The following ALDH6A1 variants were observed in gnomAD, a reference collection of about 807,000 sequenced individuals.
ALDH6A1 encodes the protein methylmalonate-semialdehyde/malonate-semialdehyde dehydrogenase [acylating], mitochondrial.
A neutral mutation model predicts 62.6 loss-of-function variants in ALDH6A1; 43 were observed. The ratio of observed to expected loss-of-function variants is 0.69; its 90% CI spans 0.54 to 0.89. ALDH6A1 has a LOEUF of 0.89. Among genes scored for constraint, ALDH6A1 ranks in the 40% least tolerant of loss-of-function variants. The pLI is 0.00. For missense variants in ALDH6A1, 551 were observed against 661.3 expected, an observed-to-expected ratio of 0.83 and a Z score of 1.83; for synonymous variants, 194 against 234.2, an observed-to-expected ratio of 0.83 and a Z score of 1.57.
intron 11 of ALDH6A1, among the ~76,000 whole-genome samples, chr14:74,064,037 C>T (rs949536854): frequency 3.3e-5 from 5 of 151,856 alleles, no homozygotes; most frequent in African/African-American, 1.2e-4. Context: ...GAGTGGCTCA[C>T]ACCTGTAATC....
chr14:74,079,108 A>G (rs1184000406), intron 1 of ALDH6A1, among the ~76,000 whole-genome samples: 2 of 151,814 alleles, frequency 1.3e-5, no homozygotes, highest in Non-Finnish European at 2.9e-5. Context: ...GTCCTTGGCC[A>G]GTATTTTCCT....
At chr14:74,069,469 G>A (rs2060518970) in intron 6 of ALDH6A1, among the ~76,000 whole-genome samples, 3 of 151,852 alleles carry the variant, frequency 2.0e-5, no homozygotes, top group Admixed American at 6.6e-5. Flanking sequence ...CTATTTAGCC[G>A]GCTGGACACG....
chr14:74,057,091 G>A lies in ALDH6A1; in HGVS notation c.*3551C>T. Reference sequence around the variant, plus strand: ...ATGACAAGTCTGTTATTCTAAACCAGGTTTCATGTGTGTAGAGTTGTTGAC... The same window carrying A: ...ATGACAAGTCTGTTATTCTAAACCAAGTTTCATGTGTGTAGAGTTGTTGAC... On this transcript the variant is annotated 3_prime_UTR_variant, in exon 12 of 12. Coordinates refer to ENST00000553458, the MANE Select transcript of ALDH6A1 (RefSeq NM_005589.4). 3 of 1,599,566 alleles carry A rather than the reference G, an allele frequency of 1.9e-6. No homozygotes were observed. Among genetic ancestry groups the A allele is most frequent in the Non-Finnish European group, 2.6e-6 (3 of 1,171,112 alleles).
At chr14:74,075,677 A>G (rs983799337) in intron 1 of ALDH6A1, among the ~76,000 whole-genome samples, 1 of 152,114 alleles carries the variant, frequency 6.6e-6, no homozygotes, top group African/African-American at 2.4e-5. Flanking sequence ...ATCAATGTAA[A>G]TATAAATATA....
intron 1 of ALDH6A1, among the ~76,000 whole-genome samples, chr14:74,079,110 T>A (rs1310559821): frequency 1.3e-5 from 2 of 151,844 alleles, no homozygotes; most frequent in Admixed American, 1.3e-4. Context: ...CCTTGGCCAG[T>A]ATTTTCCTCT....
At chr14:74,062,197 CA>C in intron 11 of ALDH6A1, among the ~76,000 whole-genome samples, 1 of 151,388 alleles carries the variant, frequency 6.6e-6, no homozygotes, top group South Asian at 2.1e-4. Flanking sequence ...ACTCCCATCT[CA>C]AAAAAATAAA....
intron 1 of ALDH6A1, among the ~76,000 whole-genome samples, chr14:74,077,846 C>T (rs1310017011): frequency 6.6e-6 from 1 of 152,234 alleles, no homozygotes; most frequent in Non-Finnish European, 1.5e-5. Flanking sequence ...CTGCATCTGT[C>T]TTGTTCACCT....
intron 1 of ALDH6A1, chr14:74,081,154 C>G (rs919905006): frequency 4.6e-5 from 7 of 152,162 alleles, no homozygotes; most frequent in African/African-American, 1.7e-4. Flanking sequence ...ATAAAGCACC[C>G]AAATTCCTTT....
chr14:74,078,224 T>C (rs972138131), intron 1 of ALDH6A1: 1 of 455,912 alleles, frequency 2.2e-6, no homozygotes, highest in African/African-American at 2.0e-5. Flanking sequence ...GATGAGAACT[T>C]CTCAACTTCC....
Position 74,065,260 on chromosome 14 carries a change from G to A in ALDH6A1, c.1325C>T (p.Pro442Leu). Residue 442 changes from proline to leucine, a missense_variant, in exon 10 of 12, where the codon CCA becomes CTA. Coordinates refer to ENST00000553458, the MANE Select transcript of ALDH6A1 (RefSeq NM_005589.4). ...GAAGATGGCAGTTCCATTTCCATAT[G>A]GGTTGTTATTTACAATCTGGATGGC... ...DEAIQIVNNNPYGNGTAIFTT... is the reference protein window; with the variant it reads ...DEAIQIVNNNLYGNGTAIFTT... 6.2e-7 allele frequency: 1 copy of A among 1,614,098 alleles called. No homozygotes were observed.
chr14:74,075,606 G>A lies in ALDH6A1; in HGVS notation c.49-589C>T, dbSNP rs188744427. On this transcript the variant is annotated intron_variant, in intron 1 of 11. Transcript: ENST00000553458. Reference sequence around the variant, plus strand: ...CGGGAGGGTGAGGCTGCAGTGAACCGTGATTATGCCACTGCACTCCAGCCA... The same window carrying A: ...CGGGAGGGTGAGGCTGCAGTGAACCATGATTATGCCACTGCACTCCAGCCA... Among the ~76,000 whole-genome samples the A allele has an allele frequency of 3.3e-5, 5 of 151,908 alleles. No individual in the cohort carries two copies. The East Asian group carries it at 5.8e-4, about 18-fold the overall frequency.
Position 74,059,563 on chromosome 14 carries a change from C to T in ALDH6A1, c.*1079G>A, listed in dbSNP as rs1007119932. The T allele has an allele frequency of 3.2e-5, 10 of 310,390 alleles. No homozygotes were observed. The highest frequency in any genetic ancestry group is 1.1e-4 in the African/African-American group (5 of 44,558). 19.2% of individuals were successfully genotyped at this position (310,390 alleles called of 1,614,324 possible). A position where few individuals can be genotyped will look rare whatever the true frequency, so the allele number is the denominator to read the frequency against. ...ATACAAAATTAGCTGGGTGTGGTGGCGCATGCCTGTAATCCCAGCTACTAG... is the reference window on the plus strand; with the variant it reads ...ATACAAAATTAGCTGGGTGTGGTGGTGCATGCCTGTAATCCCAGCTACTAG... On this transcript the variant is annotated 3_prime_UTR_variant, in exon 12 of 12. Coordinates refer to ENST00000553458, the MANE Select transcript of ALDH6A1 (RefSeq NM_005589.4).
In ALDH6A1 at chr14:74,057,194, T is replaced by C. The variant is rs1357893777; in HGVS notation, c.*3448A>G. On this transcript the variant is annotated 3_prime_UTR_variant, in exon 12 of 12. Transcript: ENST00000553458. ...ATCTTCATCACCCAGCAAATTGCAA[T>C]ATCAGACTCTTCTGGTGAAGTGGTG... is the stretch of plus-strand genomic sequence containing the variant. 6.2e-7 allele frequency: 1 copy of C among 1,613,898 alleles called. No homozygotes were observed. The highest frequency in any genetic ancestry group is 8.5e-7 in the Non-Finnish European group (1 of 1,179,900).
At chr14:74,066,926 A>G (rs373528078) in intron 8 of ALDH6A1, 40 bp from the exon 9 acceptor site, 11 of 1,576,004 alleles carry the variant, frequency 7.0e-6, no homozygotes, top group Non-Finnish European at 8.7e-6. Context: ...CCTCATTAAC[A>G]TAAATTATGA....
chr14:74,072,122 G>C (rs988839404), intron 4 of ALDH6A1, 81 bp downstream of exon 4: 1 of 1,601,160 alleles, frequency 6.2e-7, no homozygotes, highest in South Asian at 1.1e-5. Context: ...AGTAAGGGAG[G>C]GTGGCTGAAA....
intron 10 of ALDH6A1, 108 bp from the exon 11 acceptor site, chr14:74,065,028 T>G: frequency 7.3e-7 from 1 of 1,373,326 alleles, no homozygotes; most frequent in Non-Finnish European, 1.0e-6. Context: ...TACCCTATCC[T>G]CTACCCCATG....
In ALDH6A1 at chr14:74,075,034, C is replaced by T. The variant is rs755536089; in HGVS notation, c.49-17G>A. On this transcript the variant is annotated splice_polypyrimidine_tract_variant and intron_variant, in intron 1 of 11. Coordinates refer to ENST00000553458, the MANE Select transcript of ALDH6A1 (RefSeq NM_005589.4). ...GGAAGAAACCTGTGAGGCAAAAGAA[C>T]GATTATTTTGATAAATGAGAGCAGA... The T allele has an allele frequency of 4.8e-5, 78 of 1,611,812 alleles. 1 individual carries two copies. The Admixed American group carries it at 8.2e-4, about 17-fold the overall frequency.
chr14:74,074,329 C>G (rs1035345302), intron 2 of ALDH6A1, among the ~76,000 whole-genome samples: 3 of 146,276 alleles, frequency 2.1e-5, no homozygotes, highest in African/African-American at 7.6e-5. Context: ...GCTCTGTCAT[C>G]AGGCTGGAGT....
intron 11 of ALDH6A1, among the ~76,000 whole-genome samples, chr14:74,062,147 A>G (rs2060360000): frequency 6.6e-6 from 1 of 151,310 alleles, no homozygotes; most frequent in South Asian, 2.1e-4. Flanking sequence ...AAGTGAGCCG[A>G]GAATGCACCA....
Sources: gnomAD v4.1 joint callset for allele counts (sites outside exome capture counted in the v4.1 genomes callset) on GRCh38, gnomAD v4.1.1 for gene constraint, MANE v1.5 for transcripts, NCBI Gene and HGNC (gene_info 2026-07-23, HGNC 2026-07-21) for gene names.